PRDX1: variants seen among roughly 807,000 people sequenced by gnomAD.
The protein encoded by PRDX1 is peroxiredoxin 1.
In PRDX1, 19 loss-of-function variants were observed where a neutral mutation model predicts 20.7. The observed-to-expected ratio is 0.92, with a 90% confidence interval of 0.64 to 1.35. The LOEUF (loss-of-function observed/expected upper bound fraction) is 1.35. Ranked by LOEUF, PRDX1 falls within the 40% of genes most tolerant of loss-of-function variation. The pLI, the probability that PRDX1 is intolerant of heterozygous loss-of-function variation, is 0.00. For synonymous variants in PRDX1, 89 were observed against 83.9 expected, an observed-to-expected ratio of 1.06 and a Z score of -0.33; for missense variants, 226 against 240.0, an observed-to-expected ratio of 0.94 and a Z score of 0.38.
chr1:45,513,258 G>A (rs906476625), intron 5 of PRDX1: 12 of 152,266 alleles, frequency 7.9e-5, no homozygotes, highest in African/African-American at 2.4e-4. Context: ...ATTTTGTTTT[G>A]CCCTAATACA....
chr1:45,514,976 G>T lies in PRDX1; in HGVS notation c.280C>A (p.Gln94Lys). Reference sequence around the variant, plus strand: ...ATGTTCATGGGTCCCAGTCCTCCTTGTTTCTTAGGTGTATTGACCCTATGG... The same window carrying T: ...ATGTTCATGGGTCCCAGTCCTCCTTTTTTCTTAGGTGTATTGACCCTATGG... ...HLAWVNTPKK[Q>K]GGLGPMNIPL... Residue 94 changes from glutamine (Q) to lysine (K), a missense_variant, in exon 4 of 6, where the codon CAA becomes AAA. Transcript: ENST00000319248. The T allele has an allele frequency of 6.2e-7, 1 of 1,614,200 alleles. No homozygotes were observed. The highest frequency in any genetic ancestry group is 8.5e-7 in the Non-Finnish European group (1 of 1,180,024).
At chr1:45,516,891 G>A (rs1031163025) in intron 2 of PRDX1, among the ~76,000 whole-genome samples, 3 of 151,828 alleles carry the variant, frequency 2.0e-5, no homozygotes, top group African/African-American at 7.3e-5. Context: ...TGTGACAGCG[G>A]GGGCCTGAAA....
Position 45,514,820 on chromosome 1 carries a change from T to A in PRDX1, c.383+53A>T. 3 of 1,610,190 alleles carry A rather than the reference T, an allele frequency of 1.9e-6. No homozygotes were observed. The Admixed American group carries it at 5.1e-5, about 27-fold the overall frequency. On this transcript the variant is annotated intron_variant, in intron 4 of 5. Transcript: ENST00000319248. ...AGTCTCTACAGATCAGGGCTCTAGA[T>A]CTCTCCAAATAAAAGGCTTTCAGCC...
intron 5 of PRDX1, chr1:45,511,684 T>C: frequency 3.2e-6 from 1 of 312,462 alleles, no homozygotes; most frequent in Non-Finnish European, 5.8e-6. Context: ...GTTTAAATAA[T>C]TTGCCAACAC....
chr1:45,519,888 C>T (rs1455100600), intron 1 of PRDX1, among the ~76,000 whole-genome samples: 2 of 152,202 alleles, frequency 1.3e-5, no homozygotes, highest in African/African-American at 4.8e-5. Context: ...TGAGCCACCG[C>T]GCCCTTCCAG....
rs1643916792 is a variant in PRDX1 at position 45,521,837 on chromosome 1, A to C, written c.-20T>G. On this transcript the variant is annotated 5_prime_UTR_variant, in exon 1 of 6. Transcript: ENST00000319248. ...GCACTGCCCACACTCACCAGTCCCA[A>C]CACAAGTCGCAGAAACTAACCACCG... is the stretch of plus-strand genomic sequence containing the variant. The C allele has an allele frequency of 6.5e-6, 1 of 152,868 alleles. No individual in the cohort carries two copies. Among genetic ancestry groups the C allele is most frequent in the African/African-American group, 2.4e-5 (1 of 41,474 alleles). 9.5% of individuals were successfully genotyped at this position (152,868 alleles called of 1,614,324 possible).
chr1:45,513,310 A>T (rs1643791268), intron 5 of PRDX1: 1 of 152,204 alleles, frequency 6.6e-6, no homozygotes, highest in Non-Finnish European at 1.5e-5. Context: ...GATCTTTGGG[A>T]GTGACTGATT....
intron 5 of PRDX1, chr1:45,512,075 T>C (rs953448658): frequency 3.0e-5 from 4 of 132,254 alleles, no homozygotes; most frequent in Non-Finnish European, 4.8e-5. Flanking sequence ...TTTTCTTTTT[T>C]TTTTTTTTTT....
At chr1:45,522,484 C>A (rs1195511090), upstream of PRDX1, among the ~76,000 whole-genome samples, 5 of 152,096 alleles carry the variant, frequency 3.3e-5, no homozygotes, top group African/African-American at 1.2e-4. Context: ...GTTACACGAC[C>A]ATCCTCTCCC....
chr1:45,516,349 C>T (rs1246315948), intron 2 of PRDX1, among the ~76,000 whole-genome samples: 1 of 152,162 alleles, frequency 6.6e-6, no homozygotes, highest in Non-Finnish European at 1.5e-5. Context: ...TTAAGCCAGG[C>T]ACAGTGGTGC....
chr1:45,513,169 A>T (rs1643788248), intron 5 of PRDX1: 1 of 152,180 alleles, frequency 6.6e-6, no homozygotes. Context: ...TAAAAATATG[A>T]ACTATATGGA....
intron 1 of PRDX1, among the ~76,000 whole-genome samples, chr1:45,520,882 C>G (rs1247405621): frequency 6.6e-6 from 1 of 151,662 alleles, no homozygotes; most frequent in Non-Finnish European, 1.5e-5. Flanking sequence ...CCAGCCTGGC[C>G]GACAGAGCGA....
chr1:45,520,882 C>A (rs1247405621), intron 1 of PRDX1, among the ~76,000 whole-genome samples: 4 of 151,662 alleles, frequency 2.6e-5, no homozygotes, highest in Non-Finnish European at 5.9e-5. Flanking sequence ...CCAGCCTGGC[C>A]GACAGAGCGA....
chr1:45,522,317 C>T (rs36088602), upstream of PRDX1, among the ~76,000 whole-genome samples: 861 of 152,292 alleles, frequency 5.7e-3, 6 homozygotes, highest in Non-Finnish European at 9.0e-3. Context: ...GCAGCCTTAA[C>T]CCCAGCGCAG....
chr1:45,515,279 C>G (rs1400700825), intron 3 of PRDX1, among the ~76,000 whole-genome samples: 1 of 152,064 alleles, frequency 6.6e-6, no homozygotes, highest in Non-Finnish European at 1.5e-5. Context: ...AAGTCTATTG[C>G]CAAAGCTTCC....
chr1:45,517,730 T>C (rs201356115), intron 2 of PRDX1, among the ~76,000 whole-genome samples: 2 of 141,148 alleles, frequency 1.4e-5, no homozygotes, highest in East Asian at 4.1e-4. Flanking sequence ...TGCAGTGAGC[T>C]GAGATCGCAC....
intron 5 of PRDX1, among the ~76,000 whole-genome samples, chr1:45,513,886 G>A (rs1463760162): frequency 6.6e-6 from 1 of 150,418 alleles, no homozygotes; most frequent in East Asian, 1.9e-4. Flanking sequence ...ATATGGCCTC[G>A]TGGGAAGGGA....
chr1:45,522,038 T>C (rs898390457), upstream of PRDX1: 1 of 152,248 alleles, frequency 6.6e-6, no homozygotes, highest in East Asian at 1.9e-4. Context: ...TTTCCCTCGT[T>C]GGGGCGGGTG....
intron 1 of PRDX1, among the ~76,000 whole-genome samples, chr1:45,520,879 G>A (rs899425312): frequency 4.0e-5 from 6 of 151,890 alleles, no homozygotes; most frequent in African/African-American, 1.5e-4. Context: ...ACTCCAGCCT[G>A]GCCGACAGAG....
Sources: allele counts gnomAD v4.1 joint callset (sites outside exome capture counted in the v4.1 genomes callset), GRCh38; gene constraint gnomAD v4.1.1; transcripts MANE v1.5; gene names NCBI Gene and HGNC (gene_info 2026-07-23, HGNC 2026-07-21).